The following OPCML variants were observed in gnomAD, a reference collection of about 807,000 sequenced individuals.
The protein encoded by OPCML is opioid-binding protein/cell adhesion molecule.
A neutral mutation model predicts 37.8 loss-of-function variants in OPCML; 13 were observed. That is an observed-to-expected ratio of 0.34 (90% CI 0.22 to 0.55). The LOEUF (loss-of-function observed/expected upper bound fraction) is 0.55, where lower values mean the gene tolerates loss of function less well. Ranked by LOEUF, OPCML falls within the 20% of genes least tolerant of loss-of-function variation. OPCML has a pLI of 0.91. For missense variants in OPCML, 341 were observed against 435.6 expected (o/e 0.78, Z 1.93); for synonymous variants, 176 against 168.8 (o/e 1.04, Z -0.33).
intron 1 of OPCML, among the ~76,000 whole-genome samples, chr11:133,038,495 C>T (rs1947825725): frequency 6.6e-6 from 1 of 152,144 alleles, no homozygotes; most frequent in South Asian, 2.1e-4. Context: ...TAAAAAGATT[C>T]ATTATTTTAA....
At chr11:133,188,823 G>A (rs1439886499) in intron 1 of OPCML, among the ~76,000 whole-genome samples, 4 of 150,618 alleles carry the variant, frequency 2.7e-5, no homozygotes, top group Non-Finnish European at 5.9e-5. Flanking sequence ...GCTAGTATAT[G>A]TACCCTGAAT....
chr11:133,101,198 C>A (rs1183086554), intron 1 of OPCML, among the ~76,000 whole-genome samples: 1 of 152,294 alleles, frequency 6.6e-6, no homozygotes, highest in Middle Eastern at 3.4e-3. Flanking sequence ...GCTAGGGTGA[C>A]AAGTGTGAGC....
intron 3 of OPCML, among the ~76,000 whole-genome samples, chr11:132,573,038 T>C (rs1215677889): frequency 6.6e-6 from 1 of 151,966 alleles, no homozygotes; most frequent in Non-Finnish European, 1.5e-5. Flanking sequence ...TCCTAATTTC[T>C]TTTTAAGATA....
At chr11:133,005,720 T>C (rs561983629) in intron 1 of OPCML, 3 of 977,964 alleles carry the variant, frequency 3.1e-6, no homozygotes, top group Middle Eastern at 5.3e-4. Flanking sequence ...TTATCTTTTC[T>C]GTTAATTCTT....
chr11:133,355,047 T>C (rs1944252054), intron 1 of OPCML, among the ~76,000 whole-genome samples: 1 of 152,232 alleles, frequency 6.6e-6, no homozygotes, highest in African/African-American at 2.4e-5. Context: ...CTTGATTCCA[T>C]TTACCTACAA....
chr11:133,000,806 G>A (rs1946984161), intron 1 of OPCML, among the ~76,000 whole-genome samples: 1 of 152,236 alleles, frequency 6.6e-6, no homozygotes, highest in Non-Finnish European at 1.5e-5. Context: ...AATGTTGGAG[G>A]TGGGGCCTGG....
chr11:132,491,450 G>A (rs912756971), intron 4 of OPCML, among the ~76,000 whole-genome samples: 2 of 152,180 alleles, frequency 1.3e-5, no homozygotes, highest in Non-Finnish European at 2.9e-5. Context: ...GATTCCCTCG[G>A]CTGGACAGCC....
chr11:132,429,309 C>T (rs2095988533), intron 7 of OPCML, among the ~76,000 whole-genome samples: 1 of 152,154 alleles, frequency 6.6e-6, no homozygotes, highest in African/African-American at 2.4e-5. Flanking sequence ...CCTGCTGTGG[C>T]AAACCGACAG....
At chr11:132,675,150 T>C (rs1467717442) in intron 2 of OPCML, among the ~76,000 whole-genome samples, 1 of 127,748 alleles carries the variant, frequency 7.8e-6, no homozygotes, top group Non-Finnish European at 1.6e-5. Flanking sequence ...AGCCCATATA[T>C]ATGTATGTGT....
At position 133,321,916 on chromosome 11, in the gene OPCML, C is replaced by T. The variant is rs141959022; in HGVS notation, c.61+210348G>A. Reference sequence around the variant, plus strand: ...TGACTGCAAACCTCAAGCAGGATGGCATTTGAAAAGCATATAATATCCGAA... The same window carrying T: ...TGACTGCAAACCTCAAGCAGGATGGTATTTGAAAAGCATATAATATCCGAA... On this transcript the variant is annotated intron_variant, in intron 1 of 7. Transcript: ENST00000524381. Among the ~76,000 whole-genome samples, 7 of 152,070 alleles carry T rather than the reference C, an allele frequency of 4.6e-5. No homozygotes were observed. In the East Asian group the frequency reaches 1.2e-3, roughly 25 times the overall value.
In OPCML at chr11:132,677,626, T is replaced by C. The variant is rs184816765; in HGVS notation, c.147-20307A>G. ...CTGTCTTCAGAGAGTCTACTGATCT[T>C]TTACAAAGGAGCAAAGACAATATAA... On this transcript the variant is annotated intron_variant, in intron 2 of 7. Transcript: ENST00000524381. Among the ~76,000 whole-genome samples the C allele has an allele frequency of 7.4e-4, 112 of 152,212 alleles. 1 individual carries two copies. Among genetic ancestry groups the C allele is most frequent in the African/African-American group, 2.6e-3 (110 of 41,530 alleles).
chr11:133,366,981 CTTTCTTTT>C (rs1299332344), intron 1 of OPCML, among the ~76,000 whole-genome samples: 1 of 151,620 alleles, frequency 6.6e-6, no homozygotes, highest in African/African-American at 2.4e-5. Flanking sequence ...ATCGAATGCA[CTTTCTTTT>C]TTTTTGGAGA....
Position 133,272,443 on chromosome 11 carries a change from G to A in OPCML, c.61+259821C>T, listed in dbSNP as rs573521041. 2.0e-5 allele frequency among the ~76,000 whole-genome samples: 3 copies of A among 152,238 alleles called. No individual in the cohort carries two copies. The East Asian group carries it at 5.8e-4, about 29-fold the overall frequency. ...GCACTATATTATGAGGCATATATCA[G>A]GATGCAGATTTTTTCATATACAGAA... On this transcript the variant is annotated intron_variant, in intron 1 of 7. Coordinates refer to ENST00000524381, the MANE Select transcript of OPCML (RefSeq NM_001012393.5).
intron 4 of OPCML, among the ~76,000 whole-genome samples, chr11:132,524,319 C>A (rs2096302339): frequency 6.6e-6 from 1 of 152,190 alleles, no homozygotes; most frequent in Non-Finnish European, 1.5e-5. Flanking sequence ...TGGGACCTGA[C>A]TTTTTCCTTT....
chr11:133,515,851 A>AG (rs1488635234), intron 1 of OPCML, among the ~76,000 whole-genome samples: 2 of 151,720 alleles, frequency 1.3e-5, no homozygotes, highest in African/African-American at 4.9e-5. Context: ...AGGAAAAAAA[A>AG]AAAAAAAGTT....
At chr11:132,457,875 T>C (rs1248156690) in intron 4 of OPCML, among the ~76,000 whole-genome samples, 2 of 152,236 alleles carry the variant, frequency 1.3e-5, no homozygotes, top group African/African-American at 4.8e-5. Flanking sequence ...TATCAGCTAT[T>C]TTGTGCCAGG....
At chr11:132,479,955 A>T (rs528313837) in intron 4 of OPCML, among the ~76,000 whole-genome samples, 11 of 152,360 alleles carry the variant, frequency 7.2e-5, no homozygotes, top group African/African-American at 2.2e-4. Context: ...TCTAAAAAGC[A>T]GAGCGCCTCT....
chr11:132,671,433 C>T (rs972744315), intron 2 of OPCML, among the ~76,000 whole-genome samples: 1 of 152,148 alleles, frequency 6.6e-6, no homozygotes, highest in Admixed American at 6.6e-5. Context: ...CCAGTTCAGG[C>T]ACCAAGAGTT....
intron 1 of OPCML, among the ~76,000 whole-genome samples, chr11:133,495,269 T>G (rs549764686): frequency 6.6e-6 from 1 of 152,242 alleles, no homozygotes; most frequent in South Asian, 2.1e-4. Flanking sequence ...TATTCCATTG[T>G]ATATATACCA....
Sources: gnomAD v4.1 joint callset for allele counts (sites outside exome capture counted in the v4.1 genomes callset) on GRCh38, gnomAD v4.1.1 for gene constraint, MANE v1.5 for transcripts, NCBI Gene and HGNC (gene_info 2026-07-23, HGNC 2026-07-21) for gene names.